Variants in ARAP2 observed in about 807,000 individuals in gnomAD.
ARAP2 encodes the protein ArfGAP with RhoGAP domain, ankyrin repeat and PH domain 2.
ARAP2 carries 148 observed loss-of-function variants against 194.5 expected under a neutral mutation model. The observed-to-expected ratio is 0.76, with a 90% CI of 0.67 to 0.87. The LOEUF is 0.87. Ranked by LOEUF, ARAP2 falls within the 40% of genes least tolerant of loss-of-function variation. The pLI, the probability that ARAP2 is intolerant of heterozygous loss-of-function variation, is 0.00. For synonymous variants in ARAP2, 695 were observed against 683.5 expected (o/e 1.02, Z -0.26); for missense variants, 2,128 against 1,989.7 (o/e 1.07, Z -1.32).
chr4:36,039,601 T>C (rs929036315), intron 5 of ARAP2, among the ~76,000 whole-genome samples: 2 of 152,132 alleles, frequency 1.3e-5, no homozygotes, highest in African/African-American at 2.4e-5. Flanking sequence ...GCTGGCCTCA[T>C]ACTCACACTC....
chr4:36,160,376 AT>A, intron 13 of ARAP2, 82 bp downstream of exon 13: 1 of 1,321,818 alleles, frequency 7.6e-7, no homozygotes, highest in South Asian at 2.0e-5. Context: ...ATAGTATAAA[AT>A]TTTTTACTTT....
chr4:36,017,411 T>C (rs184456659), intron 6 of ARAP2, among the ~76,000 whole-genome samples: 15 of 151,324 alleles, frequency 9.9e-5, no homozygotes, highest in African/African-American at 3.6e-4. Context: ...CCATTCTGTA[T>C]GTCAGGTCAT....
chr4:36,153,266 C>T (rs1253004942), intron 15 of ARAP2, among the ~76,000 whole-genome samples: 1 of 152,088 alleles, frequency 6.6e-6, no homozygotes, highest in Non-Finnish European at 1.5e-5. Flanking sequence ...AAAGCTGTGA[C>T]AGGAAATCGT....
intron 6 of ARAP2, among the ~76,000 whole-genome samples, chr4:36,202,663 T>G (rs1744623793): frequency 6.6e-6 from 1 of 152,182 alleles, no homozygotes; most frequent in African/African-American, 2.4e-5. Flanking sequence ...AGATTCACAC[T>G]TCTTTATTTT....
intron 9 of ARAP2, among the ~76,000 whole-genome samples, chr4:36,175,884 C>T (rs548829497): frequency 6.6e-6 from 1 of 152,140 alleles, no homozygotes; most frequent in African/African-American, 2.4e-5. Context: ...ACTGACCTCA[C>T]CATCCATCAT....
At chr4:36,118,930 T>C (rs772395967) in intron 24 of ARAP2, among the ~76,000 whole-genome samples, 8 of 151,432 alleles carry the variant, frequency 5.3e-5, no homozygotes, top group Non-Finnish European at 1.2e-4. Flanking sequence ...ATTTAATGTC[T>C]GACTAACAAA....
intron 2 of ARAP2, among the ~76,000 whole-genome samples, chr4:36,217,966 G>C (rs114277510): frequency 6.6e-6 from 1 of 151,590 alleles, no homozygotes; most frequent in Non-Finnish European, 1.5e-5. Flanking sequence ...GGGGGTGTGT[G>C]AGATTTAACA....
intron 27 of ARAP2, among the ~76,000 whole-genome samples, chr4:36,096,586 C>G (rs1444854328): frequency 6.6e-6 from 1 of 152,102 alleles, no homozygotes; most frequent in Non-Finnish European, 1.5e-5. Flanking sequence ...AATCACATTA[C>G]TGATCCTAAC....
chr4:36,035,733 C>A (rs906228808), intron 5 of ARAP2, among the ~76,000 whole-genome samples: 11 of 152,034 alleles, frequency 7.2e-5, no homozygotes, highest in Non-Finnish European at 1.5e-4. Flanking sequence ...TTATTCACTT[C>A]AAGATGTCAA....
chr4:36,132,900 T>C (rs1283290775), intron 20 of ARAP2, among the ~76,000 whole-genome samples: 1 of 151,818 alleles, frequency 6.6e-6, no homozygotes, highest in Non-Finnish European at 1.5e-5. Context: ...CTCTGAAAGA[T>C]AGTCTTCAAT....
At chr4:36,161,290 AT>A (rs1159884492) in intron 12 of ARAP2, among the ~76,000 whole-genome samples, 174 bp downstream of exon 12, 1 of 152,142 alleles carries the variant, frequency 6.6e-6, no homozygotes, top group Non-Finnish European at 1.5e-5. Context: ...TTTAGGAAGC[AT>A]TCTCAAAGAG....
chr4:36,108,948 T>C (rs546582734), intron 26 of ARAP2, among the ~76,000 whole-genome samples: 2 of 151,940 alleles, frequency 1.3e-5, no homozygotes, highest in Admixed American at 6.6e-5. Context: ...ATAAAGCACA[T>C]ACCACCTGAG....
chr4:36,120,033 A>C (rs1480801699), intron 23 of ARAP2, among the ~76,000 whole-genome samples: 1 of 151,562 alleles, frequency 6.6e-6, no homozygotes, highest in East Asian at 1.9e-4. Flanking sequence ...AACAAAGCTC[A>C]TGTATCAAAC....
At chr4:36,079,562 G>T (rs1474137385) in intron 31 of ARAP2, among the ~76,000 whole-genome samples, 1 of 152,102 alleles carries the variant, frequency 6.6e-6, no homozygotes, top group Non-Finnish European at 1.5e-5. Context: ...CCAATTAATG[G>T]GACTATATAA....
chr4:36,068,397 G>C, intron 32 of ARAP2, 119 bp from the exon 33 acceptor site: 2 of 1,128,732 alleles, frequency 1.8e-6, no homozygotes, highest in Non-Finnish European at 2.4e-6. Context: ...TATGACTTAG[G>C]TCCTAACTTT....
At chr4:36,080,941 G>C (rs187988024) in intron 30 of ARAP2, among the ~76,000 whole-genome samples, 1 of 152,204 alleles carries the variant, frequency 6.6e-6, no homozygotes, top group African/African-American at 2.4e-5. Context: ...CCACAGACTT[G>C]GGGATGAGGA....
chr4:36,098,822 C>T (rs1293781114), intron 27 of ARAP2, among the ~76,000 whole-genome samples: 1 of 151,964 alleles, frequency 6.6e-6, no homozygotes, highest in Non-Finnish European at 1.5e-5. Flanking sequence ...CCACTAAACT[C>T]CAAGATGTAA....
At chr4:36,178,959 A>G (rs1044689342) in intron 8 of ARAP2, among the ~76,000 whole-genome samples, 12 of 152,150 alleles carry the variant, frequency 7.9e-5, no homozygotes, top group African/African-American at 2.7e-4. Flanking sequence ...TTTTGAGCAG[A>G]GGTTACCAGA....
chr4:36,087,315 A>C lies in ARAP2; in HGVS notation c.4426-3865T>G, dbSNP rs538735266. The stretch of plus-strand genomic sequence containing the variant: ...CATGAATCTCTCATCTGCTTTTCAA[A>C]ATGTAAAAATTAAAGTATCAGTTGC... On this transcript the variant is annotated intron_variant, in intron 28 of 32. Coordinates refer to ENST00000303965, the MANE Select transcript of ARAP2 (RefSeq NM_015230.4). Among the ~76,000 whole-genome samples the C allele has an allele frequency of 3.3e-5, 5 of 152,228 alleles. No homozygotes were observed. The East Asian group carries it at 9.7e-4, about 29-fold the overall frequency.
Sources: allele counts gnomAD v4.1 joint callset (sites outside exome capture counted in the v4.1 genomes callset), GRCh38; gene constraint gnomAD v4.1.1; transcripts MANE v1.5; gene names NCBI Gene and HGNC (gene_info 2026-07-23, HGNC 2026-07-21).